PCDH9: variants seen among roughly 807,000 people sequenced by gnomAD.
PCDH9 encodes the protein protocadherin 9, also known as protocadherin-9.
In PCDH9, 24 loss-of-function variants were observed where a neutral mutation model predicts 70.6. That is an observed-to-expected ratio of 0.34 (90% confidence interval 0.25 to 0.48). The LOEUF is 0.48. Ranked by LOEUF, PCDH9 falls within the 20% of genes least tolerant of loss-of-function variation. The probability of loss-of-function intolerance (pLI) is 0.99; values close to 1 mark genes in which losing one functional copy is unlikely to be tolerated. For synonymous variants in PCDH9, 562 were observed against 558.5 expected (o/e 1.01, Z -0.09); for missense variants, 1,281 against 1,503.6 (o/e 0.85, Z 2.45).
At chr13:66,969,418 A>G in intron 2 of PCDH9, among the ~76,000 whole-genome samples, 1 of 152,056 alleles carries the variant, frequency 6.6e-6, no homozygotes, top group East Asian at 1.9e-4. Flanking sequence ...CAGCTTATAT[A>G]CTAATAATAA....
In PCDH9 at chr13:66,382,873, A is replaced by G. The variant is rs1403702757; in HGVS notation, c.3341-77845T>C. 2.0e-5 allele frequency among the ~76,000 whole-genome samples: 3 copies of G among 152,166 alleles called. 1 individual carries two copies. On this transcript the variant is annotated intron_variant, in intron 4 of 4. Transcript: ENST00000377865. ...TGGTGAAACTCTGTCACTACTAAAA[A>G]TACAAAAAATCAGCCAGGCGTGGTG...
chr13:66,427,496 A>AGACTAAC (rs1957691662), intron 4 of PCDH9, among the ~76,000 whole-genome samples: 1 of 151,776 alleles, frequency 6.6e-6, no homozygotes, highest in African/African-American at 2.4e-5. Context: ...GTTTTGTGTT[A>AGACTAAC]GTTCAAGATA....
chr13:67,223,419 G>A (rs750789951), intron 2 of PCDH9: 17 of 152,034 alleles, frequency 1.1e-4, no homozygotes, highest in Non-Finnish European at 2.4e-4. Context: ...CATTTCTTTG[G>A]AAAGAAAATG....
intron 3 of PCDH9, among the ~76,000 whole-genome samples, chr13:66,780,067 T>C (rs2079973275): frequency 6.6e-6 from 1 of 151,828 alleles, no homozygotes; most frequent in Non-Finnish European, 1.5e-5. Context: ...TTGTACTGTG[T>C]ATGGGATTCA....
intron 4 of PCDH9, among the ~76,000 whole-genome samples, chr13:66,446,975 A>G (rs779655536): frequency 1.3e-5 from 2 of 152,050 alleles, no homozygotes; most frequent in Non-Finnish European, 2.9e-5. Flanking sequence ...GATAACTTTA[A>G]CATTTCCTTT....
At chr13:66,720,470 C>T (rs1297683114) in intron 3 of PCDH9, among the ~76,000 whole-genome samples, 1 of 151,472 alleles carries the variant, frequency 6.6e-6, no homozygotes, top group Non-Finnish European at 1.5e-5. Flanking sequence ...GCCTCATTTC[C>T]TAGATTTCAT....
At chr13:67,094,213 T>C (rs1431489870) in intron 2 of PCDH9, among the ~76,000 whole-genome samples, 3 of 152,188 alleles carry the variant, frequency 2.0e-5, no homozygotes, top group Non-Finnish European at 2.9e-5. Context: ...ATTCAAATCA[T>C]GAATTAGTGA....
rs140887197 is a variant in PCDH9, at chr13:66,534,498, T to C, written c.3340+96712A>G. Among the ~76,000 whole-genome samples the C allele has an allele frequency of 1.6e-3, 242 of 152,136 alleles. 1 individual carries two copies. The highest frequency in any genetic ancestry group is 5.7e-3 in the African/African-American group (236 of 41,526). On this transcript the variant is annotated intron_variant, in intron 4 of 4. Transcript: ENST00000377865. Reference sequence around the variant, plus strand: ...AGACAGCTCTCAGGGGTCCCTTCTATAAGTGTATTTATCCCACTCCTGAGG... The same window carrying C: ...AGACAGCTCTCAGGGGTCCCTTCTACAAGTGTATTTATCCCACTCCTGAGG...
intron 2 of PCDH9, among the ~76,000 whole-genome samples, chr13:67,089,160 G>A (rs1352083191): frequency 6.6e-6 from 1 of 151,920 alleles, no homozygotes; most frequent in Admixed American, 6.6e-5. Context: ...ACACTGAGAG[G>A]CAGAATATCA....
At chr13:67,137,213 T>A (rs9571716) in intron 2 of PCDH9, among the ~76,000 whole-genome samples, 38,813 of 152,012 alleles carry the variant, frequency 0.26, 5,408 homozygotes, top group East Asian at 0.61. Context: ...TCTAATCATT[T>A]TGTTCGGTAA....
chr13:66,388,625 T>C (rs555960241), intron 4 of PCDH9, among the ~76,000 whole-genome samples: 1 of 152,302 alleles, frequency 6.6e-6, no homozygotes, highest in African/African-American at 2.4e-5. Context: ...ATCCAAGTGA[T>C]GCGATTTAAT....
chr13:66,970,706 C>T (rs2139746577), intron 2 of PCDH9, among the ~76,000 whole-genome samples: 1 of 150,462 alleles, frequency 6.6e-6, no homozygotes, highest in East Asian at 2.0e-4. Context: ...CTCCTTAGTC[C>T]TCACTCTGGA....
At chr13:67,214,973 T>TATATATATATATATATATATATATATATA (rs56334218) in intron 2 of PCDH9, 2 of 126,418 alleles carry the variant, frequency 1.6e-5, no homozygotes, top group Non-Finnish European at 3.4e-5. Context: ...TATATATATA[T>TATATATATATATATATATATATATATATA]TCACTTAATC....
chr13:66,997,620 C>T (rs570211207), intron 2 of PCDH9, among the ~76,000 whole-genome samples: 3 of 152,246 alleles, frequency 2.0e-5, no homozygotes, highest in South Asian at 2.1e-4. Flanking sequence ...CTGCAAACTC[C>T]GCCTCCCGGC....
chr13:66,431,187 A>G (rs1957765235), intron 4 of PCDH9, among the ~76,000 whole-genome samples: 1 of 152,068 alleles, frequency 6.6e-6, no homozygotes, highest in African/African-American at 2.4e-5. Flanking sequence ...TATTCTATTC[A>G]AAGGAGCAAA....
chr13:67,228,149 A>C lies in PCDH9; in HGVS notation c.292T>G (p.Cys98Gly). The C allele has an allele frequency of 6.2e-7, 1 of 1,614,136 alleles. No individual in the cohort carries two copies. The highest frequency in any genetic ancestry group is 8.5e-7 in the Non-Finnish European group (1 of 1,180,016). ...TCCTCAGCATATGAGGCGCCAGCAC[A>C]GAGTTTTTCTCTGTCTATTCTGTTG... is the stretch of plus-strand genomic sequence containing the variant. ...TSNRIDREKL[C>G]AGASYAEENE... is the part of the protein sequence containing the mutation. The change falls in exon 2 of 5, where the codon TGT (cysteine) becomes GGT (glycine). Residue 98 changes from cysteine to glycine, a missense_variant. Transcript: ENST00000377865.
chr13:66,953,360 T>A (rs1456173138), intron 2 of PCDH9, among the ~76,000 whole-genome samples: 1 of 152,186 alleles, frequency 6.6e-6, no homozygotes, highest in Admixed American at 6.5e-5. Context: ...ATATCCCCAG[T>A]GCCTGTAGCA....
At chr13:67,131,627 T>C (rs1426563384) in intron 2 of PCDH9, among the ~76,000 whole-genome samples, 1 of 152,010 alleles carries the variant, frequency 6.6e-6, no homozygotes. Context: ...AATACAATTA[T>C]GGGGGAGTGT....
intron 4 of PCDH9, among the ~76,000 whole-genome samples, chr13:66,355,898 T>G (rs992993351): frequency 6.6e-6 from 1 of 152,128 alleles, no homozygotes; most frequent in African/African-American, 2.4e-5. Flanking sequence ...AAAACTTCAG[T>G]GGAAACACAG....
Sources: allele counts gnomAD v4.1 joint callset (sites outside exome capture counted in the v4.1 genomes callset), GRCh38; gene constraint gnomAD v4.1.1; transcripts MANE v1.5; gene names NCBI Gene and HGNC (gene_info 2026-07-23, HGNC 2026-07-21).